NET1: variants seen among roughly 807,000 people sequenced by gnomAD.
The protein encoded by NET1 is neuroepithelial cell-transforming gene 1 protein.
In NET1, 42 loss-of-function variants were observed where a neutral mutation model predicts 61.1. The ratio of observed to expected loss-of-function variants is 0.69; its 90% CI spans 0.54 to 0.89. NET1 has a LOEUF of 0.89. Ranked by LOEUF, NET1 falls within the 40% of genes least tolerant of loss-of-function variation. The pLI is 0.00. For missense variants in NET1, 654 were observed against 747.3 expected (o/e 0.88, Z 1.46); for synonymous variants, 254 against 281.8 (o/e 0.90, Z 0.99).
chr10:5,426,614 A>G lies in NET1; in HGVS notation c.129-41A>G, dbSNP rs773013561. ...TCTGTTTGATGCTCTATTATGCTAA[A>G]GTCAATCTCTTTATTTATTGTTTGA... On this transcript the variant is annotated intron_variant, in intron 1 of 11. Transcript: ENST00000355029. The surrounding 1 kb of genome is among the most constrained non-coding windows in gnomAD (Gnocchi z 4.6). The G allele has an allele frequency of 1.6e-5, 24 of 1,487,396 alleles. No homozygotes were observed. The highest frequency in any genetic ancestry group is 2.2e-5 in the Non-Finnish European group (24 of 1,073,560). The allele number at this position is 1,487,396 out of a possible 1,614,324, so 92.1% of individuals were successfully genotyped here. A position where few individuals can be genotyped will look rare whatever the true frequency, so the allele number is the denominator to read the frequency against.
At position 5,415,556 on chromosome 10, in the gene NET1, C is replaced by T. The variant is rs568561147; in HGVS notation, c.128+2736C>T. ...CCGGGTTCAAGTGATTCTCCTGCCT[C>T]AGCCTACCAAGTAGCTGGAACTACA... is the stretch of plus-strand genomic sequence containing the variant. On this transcript the variant is annotated intron_variant, in intron 1 of 11. Transcript: ENST00000355029. This position sits in a 1 kb window ranked among gnomAD's most constrained non-coding sequence, Gnocchi z 4.7. Among the ~76,000 whole-genome samples the T allele has an allele frequency of 2.6e-5, 4 of 152,178 alleles. No individual in the cohort carries two copies. The South Asian group carries it at 6.2e-4, about 24-fold the overall frequency.
chr10:5,452,747 CT>C lies in NET1; in HGVS notation c.532-110del. 1 of 1,060,868 alleles carries C rather than the reference CT, an allele frequency of 9.4e-7. No individual in the cohort carries two copies. The highest frequency in any genetic ancestry group is 1.4e-6 in the Non-Finnish European group (1 of 719,502). 65.7% of individuals were successfully genotyped at this position (1,060,868 alleles called of 1,614,324 possible). ...TCCATTCTGAATTACAATTTTCAGA[CT>C]GAGTTACTTTTTAAAATGCCGTTCA... On this transcript the variant is annotated intron_variant, in intron 5 of 11. Coordinates refer to ENST00000355029, the MANE Select transcript of NET1 (RefSeq NM_001047160.3). This position sits in a 1 kb window ranked among gnomAD's most constrained non-coding sequence, Gnocchi z 4.0.
Position 5,443,523 on chromosome 10 carries a change from C to T in NET1, c.256-8307C>T, listed in dbSNP as rs570712929. On this transcript the variant is annotated intron_variant, in intron 3 of 11. Coordinates refer to ENST00000355029, the MANE Select transcript of NET1 (RefSeq NM_001047160.3). This position sits in a 1 kb window ranked among gnomAD's most constrained non-coding sequence, Gnocchi z 4.8. The stretch of plus-strand genomic sequence containing the variant: ...GGATGGGTGAATGATCTCAGAGGGC[C>T]TGTTTAGTCCTCTGGTTTTATGCAG... Among the ~76,000 whole-genome samples the T allele has an allele frequency of 6.6e-6, 1 of 152,144 alleles. No individual in the cohort carries two copies. The highest frequency in any genetic ancestry group is 2.1e-4 in the South Asian group (1 of 4,814).
Position 5,455,073 on chromosome 10 carries a change from C to T in NET1, c.1152C>T (p.Ser384=), listed in dbSNP as rs754177822. Residue 384 remains serine, a synonymous_variant, in exon 10 of 12, where the codon AGC becomes AGT. Coordinates refer to ENST00000355029, the MANE Select transcript of NET1 (RefSeq NM_001047160.3). This position sits in a 1 kb window ranked among gnomAD's most constrained non-coding sequence, Gnocchi z 6.5. ...AGAGGGACCCCAGAATCGAAGCGAG[C>T]AAAGTGCTGCTGTGCCATGGGGAGC... ...EKQRDPRIEA[S]KVLLCHGELR... is the part of the protein sequence containing the mutation. 2.5e-6 allele frequency: 4 copies of T among 1,613,842 alleles called. 1 individual carries two copies. The highest frequency in any genetic ancestry group is 4.5e-5 in the East Asian group (2 of 44,902).
rs759041222 is a variant in NET1, at chr10:5,426,732, A to T, written c.195+11A>T. 1.6e-5 allele frequency: 26 copies of T among 1,584,674 alleles called. No homozygotes were observed. In the South Asian group the frequency reaches 3.0e-4, roughly 18 times the overall value. On this transcript the variant is annotated intron_variant, in intron 2 of 11. Transcript: ENST00000355029. This position sits in a 1 kb window ranked among gnomAD's most constrained non-coding sequence, Gnocchi z 4.6. ...TGGGACTTCACTTTGGTGAGTAGAT[A>T]CCTGGGTTTTTATTTCGAGACATTA...
At position 5,454,546 on chromosome 10, in the gene NET1, T is replaced by C. The variant is rs1832765690; in HGVS notation, c.1026+24T>C. 1 of 1,594,354 alleles carries C rather than the reference T, an allele frequency of 6.3e-7. No individual in the cohort carries two copies. The highest frequency in any genetic ancestry group is 1.8e-5 in the Admixed American group (1 of 55,334). On this transcript the variant is annotated intron_variant, in intron 9 of 11. Coordinates refer to ENST00000355029, the MANE Select transcript of NET1 (RefSeq NM_001047160.3). The surrounding 1 kb of genome is among the most constrained non-coding windows in gnomAD (Gnocchi z 8.1). Reference sequence around the variant, plus strand: ...CTGTAAGTAGTCCCTTAAGTGATTGTTTTGTTTTTTAAGTTTATACATTAG... The same window carrying C: ...CTGTAAGTAGTCCCTTAAGTGATTGCTTTGTTTTTTAAGTTTATACATTAG...
rs1388215026 is a variant in NET1, at chr10:5,458,310, T to C, written c.*1316T>C. ...GGGAGGAGGAGTAAAAGCCCGATTATAATGGTGATCAATTCAAGTCAGTGT... is the reference window on the plus strand; with the variant it reads ...GGGAGGAGGAGTAAAAGCCCGATTACAATGGTGATCAATTCAAGTCAGTGT... On this transcript the variant is annotated 3_prime_UTR_variant, in exon 12 of 12. Transcript: ENST00000355029. This position sits in a 1 kb window ranked among gnomAD's most constrained non-coding sequence, Gnocchi z 4.5. The C allele has an allele frequency of 2.6e-5, 4 of 152,484 alleles. No individual in the cohort carries two copies. Among genetic ancestry groups the C allele is most frequent in the Non-Finnish European group, 5.9e-5 (4 of 68,032 alleles). 9.4% of individuals were successfully genotyped at this position (152,484 alleles called of 1,614,324 possible).
In NET1 at chr10:5,458,600, C is replaced by T. The variant is rs149863900; in HGVS notation, c.*1606C>T. The T allele has an allele frequency of 5.0e-3, 769 of 152,676 alleles. 1 individual carries two copies. The highest frequency in any genetic ancestry group is 8.2e-3 in the Non-Finnish European group (558 of 68,014). 9.5% of individuals were successfully genotyped at this position (152,676 alleles called of 1,614,324 possible). A position where few individuals can be genotyped will look rare whatever the true frequency, so the allele number is the denominator to read the frequency against. On this transcript the variant is annotated 3_prime_UTR_variant, in exon 12 of 12. Coordinates refer to ENST00000355029, the MANE Select transcript of NET1 (RefSeq NM_001047160.3). This position sits in a 1 kb window ranked among gnomAD's most constrained non-coding sequence, Gnocchi z 4.5. ...TCAACCTTTGAAATCATTGATGAATCAGCGAAAGGTAGGTAAGTCTTGTGT... is the reference window on the plus strand; with the variant it reads ...TCAACCTTTGAAATCATTGATGAATTAGCGAAAGGTAGGTAAGTCTTGTGT...
rs1210928330 is a variant in NET1 at position 5,453,955 on chromosome 10, C to T, written c.769-310C>T. Among the ~76,000 whole-genome samples the T allele has an allele frequency of 6.6e-6, 1 of 152,160 alleles. No individual in the cohort carries two copies. The highest frequency in any genetic ancestry group is 1.5e-5 in the Non-Finnish European group (1 of 68,026). On this transcript the variant is annotated intron_variant, in intron 8 of 11. Transcript: ENST00000355029. The surrounding 1 kb of genome is among the most constrained non-coding windows in gnomAD (Gnocchi z 4.9). ...GTGAAGGAATAGCCAAGCACATAAA[C>T]AGTCTCAGGGCTGGTGGCAAATGGA...
rs1397407134 is a variant in NET1 at position 5,427,037 on chromosome 10, A to C, written c.195+316A>C. ...ATGAAACATGAAATTATTTTTATAC[A>C]TCCTCTACTGCCTTTTTTTCTTGGT... is the stretch of plus-strand genomic sequence containing the variant. On this transcript the variant is annotated intron_variant, in intron 2 of 11. Coordinates refer to ENST00000355029, the MANE Select transcript of NET1 (RefSeq NM_001047160.3). This position sits in a 1 kb window ranked among gnomAD's most constrained non-coding sequence, Gnocchi z 4.1. Among the ~76,000 whole-genome samples the C allele has an allele frequency of 1.3e-5, 2 of 152,062 alleles. No homozygotes were observed. The highest frequency in any genetic ancestry group is 4.8e-5 in the African/African-American group (2 of 41,396).
chr10:5,442,258 C>T (rs1331209621), intron 3 of NET1, among the ~76,000 whole-genome samples: 4 of 152,140 alleles, frequency 2.6e-5, no homozygotes, highest in African/African-American at 9.7e-5. Flanking sequence ...GTGTAGAGGG[C>T]AGCAGAGAGC....
At chr10:5,448,610 GA>G (rs1259151352) in intron 3 of NET1, among the ~76,000 whole-genome samples, 2 of 149,740 alleles carry the variant, frequency 1.3e-5, no homozygotes, top group African/African-American at 4.9e-5. Context: ...CCCTGCAGCA[GA>G]AAATTCATTG....
chr10:5,430,450 C>T (rs1365391258), intron 3 of NET1, among the ~76,000 whole-genome samples: 2 of 151,826 alleles, frequency 1.3e-5, no homozygotes, highest in East Asian at 3.9e-4. Flanking sequence ...TCTCGGCCCC[C>T]TGCAACCTCC....
At chr10:5,442,877 TA>T (rs11377037) in intron 3 of NET1, among the ~76,000 whole-genome samples, 47 of 141,522 alleles carry the variant, frequency 3.3e-4, no homozygotes, top group Admixed American at 3.5e-4. Context: ...ACCCTGTCTT[TA>T]AAAAAAAAAA....
intron 3 of NET1, among the ~76,000 whole-genome samples, chr10:5,442,877 T>TAAAA (rs11377037): frequency 2.1e-5 from 3 of 141,598 alleles, no homozygotes; most frequent in East Asian, 2.0e-4. Context: ...ACCCTGTCTT[T>TAAAA]AAAAAAAAAA....
intron 3 of NET1, among the ~76,000 whole-genome samples, chr10:5,429,662 A>G (rs1832317480): frequency 6.6e-6 from 1 of 152,218 alleles, no homozygotes; most frequent in African/African-American, 2.4e-5. Context: ...ATGCAAGCAA[A>G]ATAACTTATC....
At chr10:5,418,958 G>A (rs899758922) in intron 1 of NET1, among the ~76,000 whole-genome samples, 32 of 152,102 alleles carry the variant, frequency 2.1e-4, no homozygotes, top group African/African-American at 6.8e-4. Flanking sequence ...CCACATAATT[G>A]TGACTTTCAC....
rs1832272916 is a variant in NET1, at chr10:5,427,334, A to G, written c.195+613A>G. Among the ~76,000 whole-genome samples the G allele has an allele frequency of 6.6e-6, 1 of 152,214 alleles. No individual in the cohort carries two copies. The highest frequency in any genetic ancestry group is 1.5e-5 in the Non-Finnish European group (1 of 68,020). On this transcript the variant is annotated intron_variant, in intron 2 of 11. Coordinates refer to ENST00000355029, the MANE Select transcript of NET1 (RefSeq NM_001047160.3). The surrounding 1 kb of genome is among the most constrained non-coding windows in gnomAD (Gnocchi z 4.1). The stretch of plus-strand genomic sequence containing the variant: ...GGAAAAATAGCAAAAGTGATTCAAA[A>G]TATAATTTCATATAAATGCATAAGT...
In NET1 at chr10:5,444,585, C is replaced by A. The variant is rs1327000085; in HGVS notation, c.256-7245C>A. On this transcript the variant is annotated intron_variant, in intron 3 of 11. Transcript: ENST00000355029. The surrounding 1 kb of genome is among the most constrained non-coding windows in gnomAD (Gnocchi z 5.3). ...GCTGTAATTAACATTTTTTTCTTCCCTTGGCTTTTGCTTTGTTTCTTTCCT... is the reference window on the plus strand; with the variant it reads ...GCTGTAATTAACATTTTTTTCTTCCATTGGCTTTTGCTTTGTTTCTTTCCT... Among the ~76,000 whole-genome samples, 2 of 152,056 alleles carry A rather than the reference C, an allele frequency of 1.3e-5. No individual in the cohort carries two copies. The highest frequency in any genetic ancestry group is 2.9e-5 in the Non-Finnish European group (2 of 68,000).
Sources: gnomAD v4.1 joint callset for allele counts (sites outside exome capture counted in the v4.1 genomes callset) on GRCh38, gnomAD v4.1.1 for gene constraint, Gnocchi (gnomAD v3.1) non-coding constraint, MANE v1.5 for transcripts, NCBI Gene and HGNC (gene_info 2026-07-23, HGNC 2026-07-21) for gene names.